The following MAGI1 variants were observed in gnomAD, a reference collection of about 807,000 sequenced individuals.
MAGI1 encodes membrane associated guanylate kinase, WW and PDZ domain containing 1.
MAGI1 carries 58 observed loss-of-function variants against 139.9 expected under a neutral mutation model. That is an observed-to-expected ratio of 0.41 (90% CI 0.34 to 0.52). The LOEUF is 0.52. MAGI1 is among the 20% of genes least tolerant of loss of function. MAGI1 has a pLI of 0.12. For missense variants in MAGI1, 1,874 were observed against 1,901.6 expected (o/e 0.99, Z 0.27); for synonymous variants, 812 against 737.9 (o/e 1.10, Z -1.63).
intron 1 of MAGI1, among the ~76,000 whole-genome samples, chr3:65,935,272 G>A (rs1280329529): frequency 6.6e-6 from 1 of 152,186 alleles, no homozygotes; most frequent in Non-Finnish European, 1.5e-5. Context: ...AAGAGGTTTA[G>A]TGATTACAAT....
At chr3:65,926,327 T>TTCCCTCTCTC (rs2062503533) in intron 1 of MAGI1, among the ~76,000 whole-genome samples, 3 of 115,592 alleles carry the variant, frequency 2.6e-5, no homozygotes, top group Admixed American at 9.1e-5. Context: ...AAGTCTTCTT[T>TTCCCTCTCTC]TCTCTCTCTC....
In MAGI1 at chr3:65,364,719, G is replaced by A; in HGVS notation, c.3297C>T (p.Thr1099=). The A allele has an allele frequency of 6.2e-7, 1 of 1,613,940 alleles. No homozygotes were observed. Among genetic ancestry groups the A allele is most frequent in the Non-Finnish European group, 8.5e-7 (1 of 1,179,848 alleles). Residue 1099 remains threonine, a synonymous_variant, in exon 20 of 23, where the codon ACC becomes ACT. Coordinates refer to ENST00000402939, the MANE Select transcript of MAGI1 (RefSeq NM_001033057.2). ...SQQGTQETRN[T]TKPKQESQFE... is the part of the protein sequence containing the mutation. ...ATTGAGATTCCTGCTTTGGTTTGGT[G>A]GTATTCCTGCCAAAGTGAAAGAAAT...
intron 4 of MAGI1, among the ~76,000 whole-genome samples, chr3:65,478,256 C>T (rs905107700): frequency 6.6e-6 from 1 of 151,834 alleles, no homozygotes; most frequent in African/African-American, 2.4e-5. Context: ...AGTTACCCCC[C>T]CCAAAAAAAA....
intron 1 of MAGI1, among the ~76,000 whole-genome samples, chr3:65,971,476 T>C (rs1011868532): frequency 7.2e-5 from 11 of 152,162 alleles, no homozygotes; most frequent in African/African-American, 2.7e-4. Flanking sequence ...ACATTCTCGT[T>C]AAATTTCCCC....
At chr3:65,833,220 G>A (rs1032783393) in intron 1 of MAGI1, among the ~76,000 whole-genome samples, 1 of 151,984 alleles carries the variant, frequency 6.6e-6, no homozygotes, top group Non-Finnish European at 1.5e-5. Flanking sequence ...CCGGCTTCAA[G>A]AGATTCTCCT....
At chr3:65,950,090 C>CAAAAAAAAAAAAAAAAAAAAAAAAAAA (rs1269489815) in intron 1 of MAGI1, among the ~76,000 whole-genome samples, 2 of 17,070 alleles carry the variant, frequency 1.2e-4, no homozygotes, top group African/African-American at 1.7e-4. Flanking sequence ...AAAAAAAAAA[C>CAAAAAAAAAAAAAAAAAAAAAAAAAAA]AAACAAAAAA....
chr3:65,583,362 G>C (rs2081528264), intron 2 of MAGI1, among the ~76,000 whole-genome samples: 1 of 152,198 alleles, frequency 6.6e-6, no homozygotes, highest in South Asian at 2.1e-4. Context: ...TTGCAAGACA[G>C]CTGAATGAAG....
intron 12 of MAGI1, among the ~76,000 whole-genome samples, chr3:65,426,233 C>T (rs1947034883): frequency 6.6e-6 from 1 of 152,166 alleles, no homozygotes; most frequent in Non-Finnish European, 1.5e-5. Context: ...CACAGCAGCT[C>T]TAAGCCTGAC....
At chr3:65,950,775 A>AGAC (rs1426250182) in intron 1 of MAGI1, among the ~76,000 whole-genome samples, 27 of 152,278 alleles carry the variant, frequency 1.8e-4, no homozygotes, top group African/African-American at 6.5e-4. Context: ...ATGAAGTCCC[A>AGAC]GACAGAGGTA....
chr3:65,406,972 A>T (rs568409681), intron 12 of MAGI1, among the ~76,000 whole-genome samples: 2 of 152,210 alleles, frequency 1.3e-5, no homozygotes, highest in Non-Finnish European at 2.9e-5. Flanking sequence ...ATCTCAGACC[A>T]CATGAGCCTT....
At chr3:65,439,844 CT>C (rs1559554809) in intron 9 of MAGI1, 34 bp downstream of exon 9, 3 of 1,606,782 alleles carry the variant, frequency 1.9e-6, no homozygotes, top group Non-Finnish European at 2.5e-6. Flanking sequence ...CCATGCTCCC[CT>C]GATCAAGAAA....
chr3:65,910,497 T>C (rs1456281370), intron 1 of MAGI1, among the ~76,000 whole-genome samples: 1 of 152,200 alleles, frequency 6.6e-6, no homozygotes, highest in Non-Finnish European at 1.5e-5. Context: ...CAAATGGCTT[T>C]CCTGTTTACA....
intron 1 of MAGI1, among the ~76,000 whole-genome samples, chr3:65,919,081 A>G (rs2062044833): frequency 6.6e-6 from 1 of 152,242 alleles, no homozygotes; most frequent in South Asian, 2.1e-4. Flanking sequence ...TGATCTGTGA[A>G]GACTGAAGAC....
In MAGI1 at chr3:65,917,580, T is replaced by G. The variant is rs561118815; in HGVS notation, c.313+120416A>C. Among the ~76,000 whole-genome samples the G allele has an allele frequency of 3.1e-3, 473 of 152,298 alleles. 1 individual carries two copies. Among genetic ancestry groups the G allele is most frequent in the African/African-American group, 9.7e-3 (404 of 41,552 alleles). On this transcript the variant is annotated intron_variant, in intron 1 of 22. Transcript: ENST00000402939. ...ATGGATAAAAGAACTATGGTACATCTAGACAAGGCAATATGATTCAACACT... is the reference window on the plus strand; with the variant it reads ...ATGGATAAAAGAACTATGGTACATCGAGACAAGGCAATATGATTCAACACT...
chr3:65,360,986 T>C lies in MAGI1; in HGVS notation c.3634+213A>G, dbSNP rs906728426. 4.9e-6 allele frequency: 7 copies of C among 1,441,454 alleles called. No individual in the cohort carries two copies. The African/African-American group carries it at 1.0e-4, about 21-fold the overall frequency. 89.3% of individuals were successfully genotyped at this position (1,441,454 alleles called of 1,614,324 possible). On this transcript the variant is annotated intron_variant, in intron 22 of 22. Coordinates refer to ENST00000402939, the MANE Select transcript of MAGI1 (RefSeq NM_001033057.2). ...ATCAGAAAGGGGGCTATAAAGATCTTGTCTTAGGCCATGCCCCAGTCCACG... is the reference window on the plus strand; with the variant it reads ...ATCAGAAAGGGGGCTATAAAGATCTCGTCTTAGGCCATGCCCCAGTCCACG...
At chr3:65,732,551 A>T (rs1343125053) in intron 1 of MAGI1, among the ~76,000 whole-genome samples, 1 of 152,232 alleles carries the variant, frequency 6.6e-6, no homozygotes, top group Non-Finnish European at 1.5e-5. Context: ...ACAACAGTAA[A>T]GAAGAAAGAC....
intron 1 of MAGI1, among the ~76,000 whole-genome samples, chr3:65,987,092 G>T (rs1186935057): frequency 6.6e-6 from 1 of 152,058 alleles, no homozygotes; most frequent in Non-Finnish European, 1.5e-5. Context: ...GACTGGTCTC[G>T]AACTCCTGAC....
At chr3:65,496,280 C>G (rs1952442930) in intron 2 of MAGI1, among the ~76,000 whole-genome samples, 1 of 151,634 alleles carries the variant, frequency 6.6e-6, no homozygotes, top group African/African-American at 2.4e-5. Context: ...TGGCTTCAAG[C>G]AGTCCTCCTA....
intron 1 of MAGI1, among the ~76,000 whole-genome samples, chr3:66,013,016 CCTAT>C: frequency 6.6e-6 from 1 of 152,270 alleles, no homozygotes; most frequent in South Asian, 2.1e-4. Context: ...CATTTTAACT[CCTAT>C]TGTGTCTAAA....
Sources: gnomAD v4.1 joint callset for allele counts (sites outside exome capture counted in the v4.1 genomes callset) on GRCh38, gnomAD v4.1.1 for gene constraint, MANE v1.5 for transcripts, NCBI Gene and HGNC (gene_info 2026-07-23, HGNC 2026-07-21) for gene names.